The following SLC30A8 variants were observed in gnomAD, a reference collection of about 807,000 sequenced individuals.
SLC30A8 encodes solute carrier family 30 member 8.
Under a neutral mutation model 36.9 loss-of-function variants are expected in SLC30A8, and 27 were observed. The observed-to-expected ratio is 0.73, with a 90% CI of 0.54 to 1.01. The LOEUF (loss-of-function observed/expected upper bound fraction) is 1.01, where lower values mean the gene tolerates loss of function less well. SLC30A8 is among the 50% of genes least tolerant of loss of function. The pLI is 0.00. For missense variants in SLC30A8, 439 were observed against 452.0 expected (o/e 0.97, Z 0.26); for synonymous variants, 164 against 172.4 (o/e 0.95, Z 0.38).
At chr8:116,980,355 G>A (rs1192923444) in intron 1 of SLC30A8, among the ~76,000 whole-genome samples, 2 of 152,126 alleles carry the variant, frequency 1.3e-5, no homozygotes, top group Non-Finnish European at 2.9e-5. Context: ...GGGAGGAGGG[G>A]ACTGAGGTAG....
At chr8:117,009,307 A>T (rs1200808843) in intron 1 of SLC30A8, among the ~76,000 whole-genome samples, 1 of 152,254 alleles carries the variant, frequency 6.6e-6, no homozygotes, top group Non-Finnish European at 1.5e-5. Context: ...CTGGAACTCC[A>T]GAAATCATAA....
At chr8:117,119,731 G>A (rs574121333) in intron 2 of SLC30A8, among the ~76,000 whole-genome samples, 1 of 151,990 alleles carries the variant, frequency 6.6e-6, no homozygotes, top group African/African-American at 2.4e-5. Context: ...GTACAGCAGT[G>A]CTATATTAAG....
At chr8:117,104,331 A>G (rs1233500274) in intron 2 of SLC30A8, among the ~76,000 whole-genome samples, 1 of 152,128 alleles carries the variant, frequency 6.6e-6, no homozygotes, top group Non-Finnish European at 1.5e-5. Flanking sequence ...TAAATATCCA[A>G]GTTTATTGCT....
At position 117,163,546 on chromosome 8, in the gene SLC30A8, T is replaced by A; in HGVS notation, c.829+16T>A. 6.4e-7 allele frequency: 1 copy of A among 1,555,122 alleles called. No individual in the cohort carries two copies. Among genetic ancestry groups the A allele is most frequent in the Non-Finnish European group, 8.9e-7 (1 of 1,129,426 alleles). On this transcript the variant is annotated intron_variant, in intron 6 of 7. Coordinates refer to ENST00000456015, the MANE Select transcript of SLC30A8 (RefSeq NM_173851.3). ...CTCATGGAAGGTAGGAGTGATTTTA[T>A]TATTACTCCCAGAGTCAGTGTTTTC...
At chr8:117,010,110 G>A (rs929534356) in intron 1 of SLC30A8, among the ~76,000 whole-genome samples, 8 of 152,154 alleles carry the variant, frequency 5.3e-5, no homozygotes, top group Non-Finnish European at 8.8e-5. Flanking sequence ...AAAAATTGGA[G>A]GAATTAGAAT....
At chr8:117,017,172 A>AACTGT (rs1816547844) in intron 1 of SLC30A8, among the ~76,000 whole-genome samples, 1 of 152,216 alleles carries the variant, frequency 6.6e-6, no homozygotes, top group African/African-American at 2.4e-5. Flanking sequence ...GAGGCACTAG[A>AACTGT]ACTGTACCAG....
At chr8:117,122,238 T>A (rs1202979648) in intron 2 of SLC30A8, among the ~76,000 whole-genome samples, 1 of 151,920 alleles carries the variant, frequency 6.6e-6, no homozygotes, top group Non-Finnish European at 1.5e-5. Context: ...ATTAAGAGAA[T>A]TGCTTACAGC....
intron 6 of SLC30A8, among the ~76,000 whole-genome samples, chr8:117,168,791 C>T (rs1441838356): frequency 1.3e-5 from 2 of 152,180 alleles, no homozygotes; most frequent in Non-Finnish European, 2.9e-5. Context: ...AATTCCTAGA[C>T]TCTAGTATTT....
At chr8:116,996,968 G>A (rs943394509) in intron 1 of SLC30A8, among the ~76,000 whole-genome samples, 2 of 152,018 alleles carry the variant, frequency 1.3e-5, no homozygotes, top group Non-Finnish European at 2.9e-5. Flanking sequence ...GCTTCAAGAA[G>A]GAGGCATTCT....
chr8:117,143,664 A>AC (rs1239707320), intron 1 of SLC30A8, among the ~76,000 whole-genome samples: 2 of 88,548 alleles, frequency 2.3e-5, no homozygotes, highest in African/African-American at 1.1e-4. Context: ...CTCTCCCATA[A>AC]AACACACACA....
At chr8:117,166,893 T>G (rs1251324383) in intron 6 of SLC30A8, among the ~76,000 whole-genome samples, 1 of 151,732 alleles carries the variant, frequency 6.6e-6, no homozygotes, top group African/African-American at 2.4e-5. Flanking sequence ...TTTAAAGGTT[T>G]GTTCTTGGTG....
chr8:117,027,579 G>C (rs771115039), intron 1 of SLC30A8, among the ~76,000 whole-genome samples: 1 of 152,082 alleles, frequency 6.6e-6, no homozygotes, highest in African/African-American at 2.4e-5. Flanking sequence ...CTTACTAGGT[G>C]CCCAGTAAAT....
chr8:117,115,233 C>T (rs1407427002), intron 2 of SLC30A8, among the ~76,000 whole-genome samples: 1 of 152,056 alleles, frequency 6.6e-6, no homozygotes, highest in African/African-American at 2.4e-5. Context: ...AGCCACAGGT[C>T]TCATCTAACC....
At chr8:117,033,232 G>T (rs575490724) in intron 1 of SLC30A8, among the ~76,000 whole-genome samples, 2 of 152,178 alleles carry the variant, frequency 1.3e-5, no homozygotes, top group Non-Finnish European at 2.9e-5. Context: ...TAGCCAAAAG[G>T]TGGAAAGAAC....
chr8:116,993,879 TAA>T (rs549021213), intron 1 of SLC30A8, among the ~76,000 whole-genome samples: 1 of 151,898 alleles, frequency 6.6e-6, no homozygotes, highest in Admixed American at 6.6e-5. Flanking sequence ...GAGGCTATTA[TAA>T]AAAGTTATAC....
At chr8:117,146,800 A>G in intron 1 of SLC30A8, 154 bp from the exon 2 acceptor site, 2 of 1,431,466 alleles carry the variant, frequency 1.4e-6, no homozygotes, top group Non-Finnish European at 1.8e-6. Flanking sequence ...TGTTTCTAAC[A>G]CTTGATATTT....
chr8:116,972,478 G>A (rs73312210), intron 1 of SLC30A8, among the ~76,000 whole-genome samples: 5,863 of 152,290 alleles, frequency 0.038, 359 homozygotes, highest in African/African-American at 0.13. Flanking sequence ...GGGAAGAGAC[G>A]TAGAAAAGAA....
At chr8:117,131,326 C>T (rs1008239142), upstream of SLC30A8, among the ~76,000 whole-genome samples, 1 of 151,946 alleles carries the variant, frequency 6.6e-6, no homozygotes, top group Admixed American at 6.6e-5. Flanking sequence ...GTAGTAATAA[C>T]CATAAAGCTA....
At chr8:117,156,841 GTAA>G (rs1757181745) in intron 3 of SLC30A8, among the ~76,000 whole-genome samples, 2 of 152,278 alleles carry the variant, frequency 1.3e-5, no homozygotes, top group South Asian at 4.1e-4. Context: ...CACACAATGG[GTAA>G]TAATATATTA....
Sources: gnomAD v4.1 joint callset for allele counts (sites outside exome capture counted in the v4.1 genomes callset) on GRCh38, gnomAD v4.1.1 for gene constraint, MANE v1.5 for transcripts, NCBI Gene and HGNC (gene_info 2026-07-23, HGNC 2026-07-21) for gene names.